The following ATP9A variants were observed in gnomAD, a reference collection of about 807,000 sequenced individuals.
ATP9A encodes ATPase phospholipid transporting 9A, also known as probable phospholipid-transporting ATPase IIA.
In ATP9A, 52 loss-of-function variants were observed where a neutral mutation model predicts 144.1. The ratio of observed to expected loss-of-function variants is 0.36; its 90% CI spans 0.29 to 0.45. The LOEUF (loss-of-function observed/expected upper bound fraction) is 0.45. Ranked by LOEUF, ATP9A falls within the 20% of genes least tolerant of loss-of-function variation. The pLI is 1.00. For missense variants in ATP9A, 947 were observed against 1,392.7 expected, an observed-to-expected ratio of 0.68 and a Z score of 5.09; for synonymous variants, 582 against 557.4, an observed-to-expected ratio of 1.04 and a Z score of -0.62.
rs183561866 is a variant in ATP9A at position 51,727,211 on chromosome 20, G to A, written c.214-1279C>T. ...AATCGCTTGAACACAAGAGGCAGACGTTGCAGTGAGCTGAGATCGCGCCAC... is the reference window on the plus strand; with the variant it reads ...AATCGCTTGAACACAAGAGGCAGACATTGCAGTGAGCTGAGATCGCGCCAC... On this transcript the variant is annotated intron_variant, in intron 2 of 27. Transcript: ENST00000338821. Among the ~76,000 whole-genome samples, 461 of 151,542 alleles carry A rather than the reference G, an allele frequency of 3.0e-3. 1 individual carries two copies. The highest frequency in any genetic ancestry group is 0.011 in the African/African-American group (440 of 41,314).
At chr20:51,732,366 C>CA (rs1235376597) in intron 1 of ATP9A, 1 of 152,602 alleles carries the variant, frequency 6.6e-6, no homozygotes, top group African/African-American at 2.4e-5. Flanking sequence ...AAGGTGAAAC[C>CA]AACAACTCAC....
At chr20:51,660,101 T>C (rs1297233842) in intron 13 of ATP9A, among the ~76,000 whole-genome samples, 1 of 152,208 alleles carries the variant, frequency 6.6e-6, no homozygotes, top group Non-Finnish European at 1.5e-5. Context: ...ATTCTATAAT[T>C]TAGGTTCTAG....
chr20:51,616,623 A>C (rs1309426520), intron 22 of ATP9A, among the ~76,000 whole-genome samples: 5 of 152,088 alleles, frequency 3.3e-5, no homozygotes, highest in Non-Finnish European at 7.4e-5. Context: ...CCAGCCCTTC[A>C]CACACAGTCC....
rs566458385 is a variant in ATP9A, at chr20:51,733,027, G to C, written c.69-3049C>G. Among the ~76,000 whole-genome samples the C allele has an allele frequency of 2.6e-4, 39 of 152,126 alleles. No individual in the cohort carries two copies. The South Asian group carries it at 8.1e-3, about 32-fold the overall frequency. ...AATGAAAGATGAAAAATGAATTTAA[G>C]AGAATCACAAACTGTCAGGTTGACT... On this transcript the variant is annotated intron_variant, in intron 1 of 27. Coordinates refer to ENST00000338821, the MANE Select transcript of ATP9A (RefSeq NM_006045.3).
intron 15 of ATP9A, among the ~76,000 whole-genome samples, chr20:51,636,039 A>G (rs1254637172): frequency 6.6e-6 from 1 of 152,210 alleles, no homozygotes; most frequent in Non-Finnish European, 1.5e-5. Flanking sequence ...TCCTACACAT[A>G]CATACCTATG....
chr20:51,712,326 G>A (rs6021395), intron 4 of ATP9A, among the ~76,000 whole-genome samples: 1,881 of 152,122 alleles, frequency 0.012, 42 homozygotes, highest in African/African-American at 0.043. Context: ...AGCCCGCCTC[G>A]GCCTCCCAAA....
intron 14 of ATP9A, among the ~76,000 whole-genome samples, chr20:51,654,471 A>G (rs1457956193): frequency 6.6e-6 from 1 of 152,082 alleles, no homozygotes; most frequent in African/African-American, 2.4e-5. Context: ...TTAAAAAAAA[A>G]ATTGGGATTC....
chr20:51,626,321 T>G (rs2077248344), intron 17 of ATP9A, among the ~76,000 whole-genome samples: 1 of 151,658 alleles, frequency 6.6e-6, no homozygotes, highest in African/African-American at 2.4e-5. Context: ...AAACCGTGTC[T>G]CTACTAAAAA....
In ATP9A at chr20:51,739,462, C is replaced by T. The variant is rs373191428; in HGVS notation, c.69-9484G>A. Among the ~76,000 whole-genome samples the T allele has an allele frequency of 1.4e-4, 21 of 151,866 alleles. 1 individual carries two copies. In the South Asian group the frequency reaches 4.4e-3, roughly 32 times the overall value. On this transcript the variant is annotated intron_variant, in intron 1 of 27. Coordinates refer to ENST00000338821, the MANE Select transcript of ATP9A (RefSeq NM_006045.3). ...TGCCTCCCAGGTTCACGCCATTCTC[C>T]TCCCTCAGCCTCCCGAGTAGCTGGG... is the stretch of plus-strand genomic sequence containing the variant.
intron 1 of ATP9A, among the ~76,000 whole-genome samples, chr20:51,732,935 G>A (rs2077748319): frequency 6.6e-6 from 1 of 151,932 alleles, no homozygotes; most frequent in Admixed American, 6.6e-5. Flanking sequence ...ACTCCTCTAA[G>A]AGCCAGTAAT....
intron 4 of ATP9A, among the ~76,000 whole-genome samples, chr20:51,704,080 G>T (rs1362010191): frequency 1.3e-5 from 2 of 149,970 alleles, no homozygotes; most frequent in African/African-American, 2.5e-5. Context: ...ATTCCCCAAA[G>T]CCAAAGAAAA....
intron 17 of ATP9A, among the ~76,000 whole-genome samples, chr20:51,625,630 G>A (rs1455963537): frequency 8.5e-5 from 13 of 152,142 alleles, no homozygotes; most frequent in East Asian, 1.9e-4. Context: ...TCTCTGAGCC[G>A]TGGCCACGAA....
At position 51,597,144 on chromosome 20, in the gene ATP9A, T is replaced by C. The variant is rs1174362141; in HGVS notation, c.*4067A>G. 1 of 152,188 alleles carries C rather than the reference T, an allele frequency of 6.6e-6. No individual in the cohort carries two copies. Among genetic ancestry groups the C allele is most frequent in the Non-Finnish European group, 1.5e-5 (1 of 68,046 alleles). 9.4% of individuals were successfully genotyped at this position (152,188 alleles called of 1,614,324 possible). ...CCCACAAACACAACAGTCACTGACA[T>C]GGCCCAGCTATATTAACAGACTGCG... On this transcript the variant is annotated 3_prime_UTR_variant, in exon 28 of 28. Transcript: ENST00000338821.
chr20:51,607,667 G>A (rs3818004), intron 25 of ATP9A, 83 bp from the exon 26 acceptor site: 477,861 of 1,076,454 alleles, frequency 0.44, 108,654 homozygotes, highest in African/African-American at 0.55. Context: ...TTATTCTCCC[G>A]CTAACGAGAT....
chr20:51,705,832 G>A (rs560542297), intron 4 of ATP9A, among the ~76,000 whole-genome samples: 1 of 152,144 alleles, frequency 6.6e-6, no homozygotes, highest in Non-Finnish European at 1.5e-5. Flanking sequence ...CAATTCTCTT[G>A]AGTAACAAAA....
intron 1 of ATP9A, among the ~76,000 whole-genome samples, chr20:51,750,525 C>T (rs1294231228): frequency 6.6e-6 from 1 of 152,214 alleles, no homozygotes; most frequent in African/African-American, 2.4e-5. Flanking sequence ...AAGGCAATTT[C>T]CTAGACACCA....
Position 51,618,997 on chromosome 20 carries a change from C to T in ATP9A, c.2162G>A (p.Arg721Lys), listed in dbSNP as rs2077215163. 6.2e-7 allele frequency: 1 copy of T among 1,614,066 alleles called. No individual in the cohort carries two copies. The highest frequency in any genetic ancestry group is 8.5e-7 in the Non-Finnish European group (1 of 1,180,034). Residue 721 changes from arginine (R) to lysine (K), a missense_variant, in exon 20 of 28, where the codon AGG becomes AAG. Coordinates refer to ENST00000338821, the MANE Select transcript of ATP9A (RefSeq NM_006045.3). ...EAHLELNAFR[R>K]KHDCALVISG... is the part of the protein sequence containing the mutation. ...GATGACCAGGGCACAATCATGCTTC[C>T]TGCGGAAGGCGTTCAGCTCGAGGTG...
chr20:51,665,767 G>GAA (rs34361325), intron 13 of ATP9A, among the ~76,000 whole-genome samples: 3 of 151,296 alleles, frequency 2.0e-5, no homozygotes, highest in Non-Finnish European at 2.9e-5. Flanking sequence ...TAACCCAGGG[G>GAA]AAAAACCATC....
At chr20:51,663,081 C>G (rs6063694) in intron 13 of ATP9A, among the ~76,000 whole-genome samples, 74,395 of 151,570 alleles carry the variant, frequency 0.49, 18,926 homozygotes, top group East Asian at 0.79. Flanking sequence ...CAAAAAAAAA[C>G]ATTTTTAAAA....
Sources: gnomAD v4.1 joint callset for allele counts (sites outside exome capture counted in the v4.1 genomes callset) on GRCh38, gnomAD v4.1.1 for gene constraint, MANE v1.5 for transcripts, NCBI Gene and HGNC (gene_info 2026-07-23, HGNC 2026-07-21) for gene names.